The following ROBO2 variants were observed in gnomAD, a reference collection of about 807,000 sequenced individuals.
ROBO2 encodes roundabout guidance receptor 2, also known as roundabout homolog 2.
A neutral mutation model predicts 160.8 loss-of-function variants in ROBO2; 53 were observed. The ratio of observed to expected loss-of-function variants is 0.33; its 90% CI spans 0.26 to 0.41. The LOEUF is 0.41. Among genes scored for constraint, ROBO2 ranks in the 10% least tolerant of loss-of-function variants. ROBO2 has a pLI of 1.00. For synonymous variants in ROBO2, 664 were observed against 611.7 expected (o/e 1.09, Z -1.26); for missense variants, 1,577 against 1,722.4 (o/e 0.92, Z 1.49).
chr3:76,835,147 G>C (rs2067570715), intron 2 of ROBO2, among the ~76,000 whole-genome samples: 1 of 151,734 alleles, frequency 6.6e-6, no homozygotes, highest in Non-Finnish European at 1.5e-5. Context: ...CTAGTAAACT[G>C]TTCATATAAT....
chr3:76,747,021 A>G (rs1228742235), intron 2 of ROBO2, among the ~76,000 whole-genome samples: 1 of 152,092 alleles, frequency 6.6e-6, no homozygotes, highest in Non-Finnish European at 1.5e-5. Flanking sequence ...CATGGTGTAT[A>G]TGTACCACAT....
intron 2 of ROBO2, among the ~76,000 whole-genome samples, chr3:76,315,319 T>A (rs963705439): frequency 1.3e-5 from 2 of 152,234 alleles, no homozygotes; most frequent in Admixed American, 1.3e-4. Context: ...ACAACAGCCA[T>A]ACTTTTTTTC....
chr3:76,142,732 C>A (rs1330188099), intron 2 of ROBO2, among the ~76,000 whole-genome samples: 1 of 151,868 alleles, frequency 6.6e-6, no homozygotes, highest in Non-Finnish European at 1.5e-5. Context: ...ATAAGACCTA[C>A]TATTTGATGG....
intron 2 of ROBO2, among the ~76,000 whole-genome samples, chr3:76,584,331 C>T (rs991604921): frequency 1.3e-4 from 19 of 151,788 alleles, no homozygotes; most frequent in Non-Finnish European, 2.2e-4. Context: ...TATGATTCCC[C>T]CCCAGAATCA....
At chr3:77,386,449 T>G (rs1324112296) in intron 2 of ROBO2, among the ~76,000 whole-genome samples, 3 of 152,140 alleles carry the variant, frequency 2.0e-5, no homozygotes. Context: ...TAATTCAGAC[T>G]GTGAAAATTA....
At chr3:77,463,684 A>C (rs1337426247) in intron 2 of ROBO2, among the ~76,000 whole-genome samples, 4 of 152,030 alleles carry the variant, frequency 2.6e-5, no homozygotes, top group Non-Finnish European at 5.9e-5. Flanking sequence ...GGGCTCAAGC[A>C]ATCCTCCCAC....
rs572160943 is a variant in ROBO2 at position 76,307,270 on chromosome 3, C to T, written c.109+369668C>T. On this transcript the variant is annotated intron_variant, in intron 2 of 26. Transcript: ENST00000487694. ...ATTTGATACTTAGTGGAAAAGCCACCTTCTCTGCCCTGAATGTCCTAGCTG... is the reference window on the plus strand; with the variant it reads ...ATTTGATACTTAGTGGAAAAGCCACTTTCTCTGCCCTGAATGTCCTAGCTG... Among the ~76,000 whole-genome samples, 5 of 152,280 alleles carry T rather than the reference C, an allele frequency of 3.3e-5. No homozygotes were observed. In the East Asian group the frequency reaches 7.7e-4, roughly 24 times the overall value.
At chr3:76,529,258 A>G (rs78213441) in intron 2 of ROBO2, among the ~76,000 whole-genome samples, 5,454 of 152,284 alleles carry the variant, frequency 0.036, 311 homozygotes, top group African/African-American at 0.12. Context: ...GGAAAATCAC[A>G]TCAGACAAAA....
chr3:76,748,308 A>C (rs1008616331), intron 2 of ROBO2, among the ~76,000 whole-genome samples: 3 of 151,756 alleles, frequency 2.0e-5, no homozygotes, highest in Non-Finnish European at 4.4e-5. Context: ...AAATAAAGAA[A>C]TCAAAATACT....
Position 77,490,099 on chromosome 3 carries a change from C to CTT in ROBO2, c.668-3127_668-3126dup, listed in dbSNP as rs753903306. 1.1e-3 allele frequency among the ~76,000 whole-genome samples: 136 copies of CTT among 126,634 alleles called. 1 individual carries two copies. The highest frequency in any genetic ancestry group is 2.0e-3 in the African/African-American group (70 of 34,158). 83.1% of individuals were successfully genotyped at this position (126,634 alleles called of 152,430 possible). ...CAATGGGCATGACTTTTGTATTTTACTTTTTTTTTTTTTTTTTTTGGGACG... is the reference window on the plus strand; with the variant it reads ...CAATGGGCATGACTTTTGTATTTTACTTTTTTTTTTTTTTTTTTTTTGGGACG... On this transcript the variant is annotated intron_variant, in intron 4 of 25. Transcript: ENST00000461745.
At chr3:76,080,742 T>A (rs899452954) in intron 2 of ROBO2, among the ~76,000 whole-genome samples, 1 of 152,346 alleles carries the variant, frequency 6.6e-6, no homozygotes, top group East Asian at 1.9e-4. Flanking sequence ...TTCAACCATC[T>A]ACAACGGATC....
At chr3:76,764,487 A>T (rs371895646) in intron 2 of ROBO2, among the ~76,000 whole-genome samples, 1 of 151,738 alleles carries the variant, frequency 6.6e-6, no homozygotes, top group East Asian at 2.0e-4. Context: ...GAGTTACAGT[A>T]TTAATATTAA....
At chr3:76,461,209 C>T (rs9879166) in intron 2 of ROBO2, among the ~76,000 whole-genome samples, 52,713 of 151,854 alleles carry the variant, frequency 0.35, 9,243 homozygotes, top group East Asian at 0.4. Context: ...CTGAGTGGAG[C>T]AAGGCTGGGG....
At chr3:76,388,979 A>C (rs1044729742) in intron 2 of ROBO2, among the ~76,000 whole-genome samples, 2 of 152,222 alleles carry the variant, frequency 1.3e-5, no homozygotes, top group African/African-American at 4.8e-5. Context: ...TTTAAGAAAG[A>C]AAACAAAATG....
intron 2 of ROBO2, among the ~76,000 whole-genome samples, chr3:77,246,838 A>G (rs2089786727): frequency 6.6e-6 from 1 of 152,154 alleles, no homozygotes. Context: ...GCTGGTCTTC[A>G]TCTTATTTTA....
chr3:76,718,076 T>A (rs936336961), intron 2 of ROBO2, among the ~76,000 whole-genome samples: 1 of 152,190 alleles, frequency 6.6e-6, no homozygotes, highest in South Asian at 2.1e-4. Context: ...TGGTAGTCCA[T>A]CATTCCCTAA....
intron 2 of ROBO2, among the ~76,000 whole-genome samples, chr3:76,747,583 G>A (rs1293343023): frequency 6.6e-6 from 1 of 151,668 alleles, no homozygotes; most frequent in Non-Finnish European, 1.5e-5. Context: ...TGGCAGTTGA[G>A]TCTATTCAAA....
intron 2 of ROBO2, among the ~76,000 whole-genome samples, chr3:76,000,089 G>T (rs1231597926): frequency 1.3e-5 from 2 of 152,146 alleles, no homozygotes; most frequent in South Asian, 4.1e-4. Context: ...CCACGTGGCT[G>T]GGATAGCCTC....
At chr3:77,121,289 T>C (rs1265527218) in intron 2 of ROBO2, among the ~76,000 whole-genome samples, 2 of 152,182 alleles carry the variant, frequency 1.3e-5, no homozygotes, top group Non-Finnish European at 2.9e-5. Flanking sequence ...GGTTTTGATA[T>C]TCTTTTAAAA....
Sources: allele counts gnomAD v4.1 joint callset (sites outside exome capture counted in the v4.1 genomes callset), GRCh38; gene constraint gnomAD v4.1.1; transcripts MANE v1.5; gene names NCBI Gene and HGNC (gene_info 2026-07-23, HGNC 2026-07-21).